The following MYO9A variants were observed in gnomAD, a reference collection of about 807,000 sequenced individuals.
The protein encoded by MYO9A is unconventional myosin-IXa.
Under a neutral mutation model 293.3 loss-of-function variants are expected in MYO9A, and 103 were observed. The observed-to-expected ratio is 0.35, with a 90% CI of 0.30 to 0.41. The LOEUF (loss-of-function observed/expected upper bound fraction) is 0.41, where lower values mean the gene tolerates loss of function less well. Among genes scored for constraint, MYO9A ranks in the 10% least tolerant of loss-of-function variants. The pLI is 1.00. For missense variants in MYO9A, 2,685 were observed against 3,033.0 expected, an observed-to-expected ratio of 0.89 and a Z score of 2.69; for synonymous variants, 1,001 against 1,035.7, an observed-to-expected ratio of 0.97 and a Z score of 0.64.
intron 8 of MYO9A, among the ~76,000 whole-genome samples, chr15:72,005,066 T>C (rs2076978633): frequency 6.6e-6 from 1 of 152,236 alleles, no homozygotes; most frequent in Non-Finnish European, 1.5e-5. Context: ...AATCATTTTC[T>C]AAAATAATTT....
chr15:71,923,938 T>C (rs1406345866), intron 18 of MYO9A, among the ~76,000 whole-genome samples: 3 of 152,162 alleles, frequency 2.0e-5, no homozygotes, highest in African/African-American at 4.8e-5. Flanking sequence ...ATGTTATTGG[T>C]GGTTTACTGG....
Position 71,824,945 on chromosome 15 carries a change from CTT to C in MYO9A, c.*1633_*1634del, listed in dbSNP as rs1265159846. 2 of 151,790 alleles carry C rather than the reference CTT, an allele frequency of 1.3e-5. No homozygotes were observed. Among genetic ancestry groups the C allele is most frequent in the Non-Finnish European group, 2.9e-5 (2 of 67,984 alleles). 9.4% of individuals were successfully genotyped at this position (151,790 alleles called of 1,614,324 possible). The stretch of plus-strand genomic sequence containing the variant: ...AGAGAGACTCTGCCTTAACAAAAGA[CTT>C]AATATTTCCACAACTTCAAAGAAGT... On this transcript the variant is annotated 3_prime_UTR_variant, in exon 42 of 42. Coordinates refer to ENST00000356056, the MANE Select transcript of MYO9A (RefSeq NM_006901.4).
chr15:71,897,447 A>G lies in MYO9A; in HGVS notation c.5042+14T>C. 1 of 1,578,902 alleles carries G rather than the reference A, an allele frequency of 6.3e-7. No individual in the cohort carries two copies. The highest frequency in any genetic ancestry group is 2.2e-5 in the East Asian group (1 of 44,464). Reference sequence around the variant, plus strand: ...GAAGTTTCCCATTTATACATAAATAAACATTTCACTTACAGGGGAATACTC... The same window carrying G: ...GAAGTTTCCCATTTATACATAAATAGACATTTCACTTACAGGGGAATACTC... On this transcript the variant is annotated intron_variant, in intron 25 of 41. Coordinates refer to ENST00000356056, the MANE Select transcript of MYO9A (RefSeq NM_006901.4).
chr15:72,010,332 TACA>T lies in MYO9A; in HGVS notation c.1253+15_1253+17del, dbSNP rs1216853052. Reference sequence around the variant, plus strand: ...GTGTTCTCTATTAGAGATATAAAAATACAACAAGTAAACTCACTGTCTTCGTGT... The same window carrying T: ...GTGTTCTCTATTAGAGATATAAAAATACAAGTAAACTCACTGTCTTCGTGT... On this transcript the variant is annotated intron_variant, in intron 7 of 41. Transcript: ENST00000356056. 3.1e-6 allele frequency: 5 copies of T among 1,601,542 alleles called. No individual in the cohort carries two copies. The highest frequency in any genetic ancestry group is 1.7e-4 in the Middle Eastern group (1 of 6,052).
intron 4 of MYO9A, among the ~76,000 whole-genome samples, chr15:72,024,621 T>C: frequency 6.6e-6 from 1 of 152,270 alleles, no homozygotes; most frequent in South Asian, 2.1e-4. Context: ...AGAAATTACA[T>C]AAAGCAGTAA....
chr15:71,858,303 C>T (rs991225223), intron 34 of MYO9A, among the ~76,000 whole-genome samples: 1 of 152,136 alleles, frequency 6.6e-6, no homozygotes, highest in African/African-American at 2.4e-5. Flanking sequence ...AAGACACATG[C>T]ACACATATGT....
chr15:72,088,195 GTA>G (rs983009119), intron 1 of MYO9A, among the ~76,000 whole-genome samples: 1 of 152,188 alleles, frequency 6.6e-6, no homozygotes, highest in Non-Finnish European at 1.5e-5. Context: ...TCAATCTGTG[GTA>G]TTTTGTTATG....
chr15:71,910,944 T>C (rs1200419253), intron 19 of MYO9A, among the ~76,000 whole-genome samples: 1 of 152,200 alleles, frequency 6.6e-6, no homozygotes, highest in African/African-American at 2.4e-5. Flanking sequence ...CTACATACTA[T>C]TAAAATATAC....
intron 1 of MYO9A, among the ~76,000 whole-genome samples, chr15:72,111,086 G>A (rs531377752): frequency 1.3e-5 from 2 of 151,506 alleles, no homozygotes; most frequent in South Asian, 4.2e-4. Flanking sequence ...GTGAACCTGG[G>A]AGGCAGAGCT....
In MYO9A at chr15:71,852,254, T is replaced by C. The variant is rs770823972; in HGVS notation, c.6353A>G (p.Glu2118Gly). 7 of 1,607,966 alleles carry C rather than the reference T, an allele frequency of 4.4e-6. No individual in the cohort carries two copies. In the African/African-American group the frequency reaches 9.4e-5, roughly 22 times the overall value. The change falls in exon 36 of 42, where the codon GAG becomes GGG. Residue 2118 changes from glutamate to glycine, a missense_variant. By Grantham distance (98) the Glu-to-Gly change is moderately conservative. This residue lies in a region of MYO9A where 238 missense variants were observed against 269.1 expected (regional missense o/e 0.88). Coordinates refer to ENST00000356056, the MANE Select transcript of MYO9A (RefSeq NM_006901.4). ...ELRQGLDTDA[E>G]SVNLDDYNIH... ...GTTATAGTCATCTAGATTTACACTC[T>C]CAGCATCTATTTAGAGACAAGAGTT...
chr15:71,971,442 C>T (rs2076008114), intron 12 of MYO9A, among the ~76,000 whole-genome samples: 1 of 151,840 alleles, frequency 6.6e-6, no homozygotes, highest in African/African-American at 2.4e-5. Context: ...TTAAAATTAG[C>T]CAGACGTGGT....
chr15:72,043,260 GACCTGTAC>G (rs1303563012), intron 2 of MYO9A, among the ~76,000 whole-genome samples: 1 of 151,970 alleles, frequency 6.6e-6, no homozygotes, highest in African/African-American at 2.4e-5. Flanking sequence ...AGATGTAAAA[GACCTGTAC>G]ACTAATAACT....
Position 71,999,593 on chromosome 15 carries a change from T to G in MYO9A, c.1470+258A>C, listed in dbSNP as rs1344979239. ...CTACCTACCATCTATCTACCCCACA[T>G]TAGTAATATGAAAATTGGAAATGAT... is the stretch of plus-strand genomic sequence containing the variant. On this transcript the variant is annotated intron_variant, in intron 9 of 41. Coordinates refer to ENST00000356056, the MANE Select transcript of MYO9A (RefSeq NM_006901.4). Among the ~76,000 whole-genome samples the G allele has an allele frequency of 2.0e-5, 3 of 152,146 alleles. No individual in the cohort carries two copies. The East Asian group carries it at 5.8e-4, about 29-fold the overall frequency.
At chr15:72,109,214 C>T (rs1042764371) in intron 1 of MYO9A, among the ~76,000 whole-genome samples, 9 of 151,812 alleles carry the variant, frequency 5.9e-5, no homozygotes, top group Admixed American at 1.3e-4. Flanking sequence ...CACCGTGAAA[C>T]GCCACCTCTA....
At chr15:72,080,890 ATCTTGTTCTTTTTGATGGCTACACAGTAT>A (rs1168711416) in intron 1 of MYO9A, among the ~76,000 whole-genome samples, 3 of 152,064 alleles carry the variant, frequency 2.0e-5, no homozygotes, top group Admixed American at 2.0e-4. Context: ...AAAGAAAATG[ATCTTGTTCTTTTTGATGGCTACACAGTAT>A]TCCATGGTGT....
intron 25 of MYO9A, chr15:71,897,149 T>G (rs1279449342): frequency 4.1e-6 from 1 of 246,724 alleles, no homozygotes; most frequent in Non-Finnish European, 7.8e-6. Context: ...ACTTCACAGC[T>G]GTAAAGCAAC....
At chr15:71,905,229 TA>T (rs2057596147) in intron 19 of MYO9A, among the ~76,000 whole-genome samples, 1 of 152,196 alleles carries the variant, frequency 6.6e-6, no homozygotes, top group Non-Finnish European at 1.5e-5. Context: ...CTGGAAATAG[TA>T]AATATTGCAG....
rs150494423 is a variant in MYO9A at position 71,977,232 on chromosome 15, T to C, written c.1844+939A>G. Among the ~76,000 whole-genome samples the C allele has an allele frequency of 4.9e-3, 750 of 152,322 alleles. 29 individuals are homozygous for C. Among genetic ancestry groups the C allele is most frequent in the Admixed American group, 0.045 (694 of 15,296 alleles). On this transcript the variant is annotated intron_variant, in intron 12 of 41. Transcript: ENST00000356056. Reference sequence around the variant, plus strand: ...TACTAATTTACCATAACATTCTTTTTTCTGTTTTGTTTTTTTGGAGACAAA... The same window carrying C: ...TACTAATTTACCATAACATTCTTTTCTCTGTTTTGTTTTTTTGGAGACAAA...
intron 23 of MYO9A, 74 bp from the exon 24 acceptor site, chr15:71,900,080 A>G: frequency 7.3e-7 from 1 of 1,371,612 alleles, no homozygotes; most frequent in Non-Finnish European, 9.8e-7. Context: ...AAAAGAGAAT[A>G]AATTTCTTAT....
Sources: allele counts gnomAD v4.1 joint callset (sites outside exome capture counted in the v4.1 genomes callset), GRCh38; gene constraint gnomAD v4.1.1; regional missense constraint gnomAD v4.1.1; transcripts MANE v1.5; gene names NCBI Gene and HGNC (gene_info 2026-07-23, HGNC 2026-07-21).